The following TDRD3 variants were observed in gnomAD, a reference collection of about 807,000 sequenced individuals.
TDRD3 encodes the protein tudor domain containing 3, also known as tudor domain-containing protein 3.
Under a neutral mutation model 86.7 loss-of-function variants are expected in TDRD3, and 45 were observed. The observed-to-expected ratio is 0.52, with a 90% CI of 0.41 to 0.67. The LOEUF is 0.67. TDRD3 is among the 30% of genes least tolerant of loss of function. The probability of loss-of-function intolerance (pLI) is 0.00; values close to 1 mark genes in which losing one functional copy is unlikely to be tolerated. For synonymous variants in TDRD3, 298 were observed against 301.7 expected (o/e 0.99, Z 0.13); for missense variants, 814 against 889.0 (o/e 0.92, Z 1.07).
chr13:60,490,672 T>C (rs1956566321), intron 7 of TDRD3, among the ~76,000 whole-genome samples: 1 of 152,114 alleles, frequency 6.6e-6, no homozygotes, highest in South Asian at 2.1e-4. Context: ...TAGAGAATTA[T>C]TGAAGTAATC....
intron 3 of TDRD3, among the ~76,000 whole-genome samples, chr13:60,454,351 C>G (rs1955616026): frequency 6.6e-6 from 1 of 151,950 alleles, no homozygotes; most frequent in Admixed American, 6.6e-5. Flanking sequence ...GTGTTTGATA[C>G]TTACAAATTC....
chr13:60,572,985 C>G (rs1334935092), intron 13 of TDRD3, among the ~76,000 whole-genome samples: 1 of 152,184 alleles, frequency 6.6e-6, no homozygotes, highest in African/African-American at 2.4e-5. Flanking sequence ...CCAAGACTTA[C>G]GAGCTGTTTG....
chr13:60,568,283 T>C (rs900167245), intron 13 of TDRD3, among the ~76,000 whole-genome samples: 1 of 152,208 alleles, frequency 6.6e-6, no homozygotes, highest in Non-Finnish European at 1.5e-5. Context: ...CCAGCCAATG[T>C]AGCACCTTTT....
chr13:60,448,383 C>T (rs2137998274), intron 3 of TDRD3, among the ~76,000 whole-genome samples: 1 of 152,214 alleles, frequency 6.6e-6, no homozygotes, highest in East Asian at 1.9e-4. Context: ...GACAGAATGG[C>T]AAAAAGTAGA....
intron 1 of TDRD3, among the ~76,000 whole-genome samples, chr13:60,435,063 A>T (rs527469424): frequency 6.6e-6 from 1 of 152,172 alleles, no homozygotes; most frequent in African/African-American, 2.4e-5. Context: ...TATAAAAATG[A>T]AAAGATTAAT....
chr13:60,414,487 T>TA (rs1208691233), intron 1 of TDRD3, among the ~76,000 whole-genome samples: 2 of 152,178 alleles, frequency 1.3e-5, no homozygotes, highest in Non-Finnish European at 2.9e-5. Flanking sequence ...ATCTCTGCCC[T>TA]AAGTAATTAG....
In TDRD3 at chr13:60,485,948, A is replaced by T. The variant is rs1479024595; in HGVS notation, c.717A>T (p.Glu239Asp). 1 of 1,599,322 alleles carries T rather than the reference A, an allele frequency of 6.3e-7. No homozygotes were observed. Among genetic ancestry groups the T allele is most frequent in the East Asian group, 2.3e-5 (1 of 44,282 alleles). Reference sequence around the variant, plus strand: ...TTGCTGAAGTTGCAAAGAGCAAGGAAGTAAGAAATCAAATCATTACACGTT... The same window carrying T: ...TTGCTGAAGTTGCAAAGAGCAAGGATGTAAGAAATCAAATCATTACACGTT... Reference protein sequence around the residue: ...AAIAEVAKSKETKTFGGGGGG... With the variant: ...AAIAEVAKSKDTKTFGGGGGG... The change falls in exon 7 of 14, where the codon GAA becomes GAT. Residue 239 changes from glutamate to aspartate, a missense_variant and splice_region_variant. By Grantham distance (45) the Glu-to-Asp change is conservative. Transcript: ENST00000377881.
At chr13:60,449,467 TGAA>T (rs1955484985) in intron 3 of TDRD3, among the ~76,000 whole-genome samples, 1 of 152,052 alleles carries the variant, frequency 6.6e-6, no homozygotes, top group Non-Finnish European at 1.5e-5. Context: ...GTTAGAGAAG[TGAA>T]GAATAGAAAT....
chr13:60,465,565 G>A (rs1290347016), intron 4 of TDRD3, among the ~76,000 whole-genome samples: 1 of 151,962 alleles, frequency 6.6e-6, no homozygotes, highest in Non-Finnish European at 1.5e-5. Context: ...AGATAGCATT[G>A]GTGTATAAAA....
chr13:60,424,549 C>G (rs1391444139), intron 1 of TDRD3, among the ~76,000 whole-genome samples: 1 of 151,946 alleles, frequency 6.6e-6, no homozygotes, highest in African/African-American at 2.4e-5. Context: ...TAGTGGGATG[C>G]TCCTGTAGTC....
chr13:60,430,708 C>T (rs191752033), intron 1 of TDRD3, among the ~76,000 whole-genome samples: 2,538 of 152,156 alleles, frequency 0.017, 25 homozygotes, highest in Middle Eastern at 0.048. Flanking sequence ...GAATTATTTA[C>T]AAATTTTTAC....
Position 60,528,676 on chromosome 13 carries a change from C to A in TDRD3, c.1451C>A (p.Ser484Ter), listed in dbSNP as rs1369377680. Reference protein sequence around the residue: ...YSRYDRTKDTSYPLGSQHSDG... With the variant: ...YSRYDRTKDT ...AGATATGACAGAACTAAAGATACTT[C>A]ATATCCTTTAGGTTCTCAGCATAGT... The change falls in exon 11 of 14, where the codon TCA (serine) becomes TAA (stop). Residue 484 changes from serine to a stop codon, truncating the protein, a stop_gained. Coordinates refer to ENST00000377881, the MANE Select transcript of TDRD3 (RefSeq NM_001146070.2). LOFTEE classifies it high-confidence loss of function. 1 of 1,613,572 alleles carries A rather than the reference C, an allele frequency of 6.2e-7. No homozygotes were observed. Among genetic ancestry groups the A allele is most frequent in the Non-Finnish European group, 8.5e-7 (1 of 1,179,760 alleles).
intron 11 of TDRD3, 51 bp from the exon 12 acceptor site, chr13:60,535,057 C>G (rs1479234451): frequency 2.5e-6 from 4 of 1,599,058 alleles, no homozygotes; most frequent in Non-Finnish European, 3.4e-6. Context: ...AAATATTGCC[C>G]TTTATAGACA....
chr13:60,405,228 C>T (rs549413993), intron 1 of TDRD3, among the ~76,000 whole-genome samples: 2 of 152,164 alleles, frequency 1.3e-5, no homozygotes, highest in Non-Finnish European at 2.9e-5. Context: ...CCCGGCCTCC[C>T]AGAGTCCTGG....
At chr13:60,405,107 C>T (rs527527928) in intron 1 of TDRD3, among the ~76,000 whole-genome samples, 1 of 152,226 alleles carries the variant, frequency 6.6e-6, no homozygotes, top group Non-Finnish European at 1.5e-5. Context: ...TGTAAATTGC[C>T]CGGTCTCAGG....
At chr13:60,557,797 C>A (rs1240360612) in intron 12 of TDRD3, among the ~76,000 whole-genome samples, 2 of 138,626 alleles carry the variant, frequency 1.4e-5, no homozygotes, top group Non-Finnish European at 3.2e-5. Context: ...AGCAATTTGG[C>A]ATAAAGGATT....
At chr13:60,503,300 C>T (rs1956872017) in intron 8 of TDRD3, among the ~76,000 whole-genome samples, 1 of 152,044 alleles carries the variant, frequency 6.6e-6, no homozygotes, top group Admixed American at 6.5e-5. Context: ...TTGATTGTAA[C>T]CCATCTTTTG....
At chr13:60,544,262 CCTTACT>C (rs2137864631) in intron 12 of TDRD3, among the ~76,000 whole-genome samples, 1 of 151,284 alleles carries the variant, frequency 6.6e-6, no homozygotes, top group Non-Finnish European at 1.5e-5. Context: ...ATAGCAAGAC[CCTTACT>C]TTACAAAAAT....
chr13:60,524,835 A>G (rs1957375334), intron 10 of TDRD3, among the ~76,000 whole-genome samples: 1 of 151,850 alleles, frequency 6.6e-6, no homozygotes, highest in South Asian at 2.1e-4. Flanking sequence ...GCAGTGGCTC[A>G]CACCTGTAAT....
Sources: allele counts gnomAD v4.1 joint callset (sites outside exome capture counted in the v4.1 genomes callset), GRCh38; gene constraint gnomAD v4.1.1; transcripts MANE v1.5; gene names NCBI Gene and HGNC (gene_info 2026-07-23, HGNC 2026-07-21).